Variants in TTC7A observed in about 807,000 individuals in gnomAD.
TTC7A encodes the protein tetratricopeptide repeat domain 7A.
TTC7A carries 110 observed loss-of-function variants against 103.7 expected under a neutral mutation model. The ratio of observed to expected loss-of-function variants is 1.06; its 90% confidence interval spans 0.91 to 1.24. TTC7A has a LOEUF of 1.24. Ranked by LOEUF, TTC7A falls within the 50% of genes most tolerant of loss-of-function variation. TTC7A has a pLI of 0.00. For missense variants in TTC7A, 1,340 were observed against 1,116.3 expected (o/e 1.20, Z -2.86); for synonymous variants, 521 against 467.9 (o/e 1.11, Z -1.47).
At chr2:46,991,800 G>GGT (rs1675662060) in intron 5 of TTC7A, among the ~76,000 whole-genome samples, 1 of 152,170 alleles carries the variant, frequency 6.6e-6, no homozygotes, top group Non-Finnish European at 1.5e-5. Context: ...AGGGGGCTGA[G>GGT]GTTCCCTGTC....
At chr2:46,935,439 C>T (rs188819768) in intron 2 of TTC7A, among the ~76,000 whole-genome samples, 1 of 152,262 alleles carries the variant, frequency 6.6e-6, no homozygotes, top group Admixed American at 6.5e-5. Context: ...ACAAAACAGA[C>T]CCCAACACTT....
At chr2:46,993,267 T>C (rs1378748488) in intron 5 of TTC7A, among the ~76,000 whole-genome samples, 183 bp from the exon 6 acceptor site, 1 of 152,196 alleles carries the variant, frequency 6.6e-6, no homozygotes, top group Non-Finnish European at 1.5e-5. Context: ...CTCCCTCCTT[T>C]TTGTTGATGT....
rs775226365 is a variant in TTC7A, at chr2:47,029,329, C to T, written c.1747C>T (p.Gln583Ter). 1 of 1,614,114 alleles carries T rather than the reference C, an allele frequency of 6.2e-7. No individual in the cohort carries two copies. The change falls in exon 15 of 20, where the codon CAG becomes TAG. Residue 583 changes from glutamine to a stop codon, truncating the protein, a stop_gained. Transcript: ENST00000319190. LOFTEE classifies it high-confidence loss of function. ...GCTCTTCTCTGCCCAGAAGCACCAC[C>T]AGCATGCCCTGGATGTTGTCAACAT... ...ALLFSAQKHH[Q>*]HALDVVNMAI... is the part of the protein sequence containing the mutation.
At chr2:47,051,614 C>A in intron 17 of TTC7A, 132 bp from the exon 18 acceptor site, 1 of 1,191,704 alleles carries the variant, frequency 8.4e-7, no homozygotes, top group Non-Finnish European at 1.1e-6. Flanking sequence ...TGCTTTCTGG[C>A]TGCCCAGCCG....
intron 14 of TTC7A, among the ~76,000 whole-genome samples, chr2:47,027,560 G>A (rs1319950891): frequency 6.6e-6 from 1 of 152,256 alleles, no homozygotes; most frequent in African/African-American, 2.4e-5. Flanking sequence ...TAAGGGAACT[G>A]AATTCAGAGA....
exon 1 of TTC7A, chr2:46,916,262 C>G (rs940389091): frequency 2.6e-6 from 2 of 774,284 alleles, no homozygotes; most frequent in Non-Finnish European, 3.1e-6. Flanking sequence ...GACCACAACA[C>G]GCTGGAGCCG....
chr2:46,917,938 A>C (rs1193646689), intron 2 of TTC7A, among the ~76,000 whole-genome samples: 1 of 152,180 alleles, frequency 6.6e-6, no homozygotes, highest in African/African-American at 2.4e-5. Flanking sequence ...TATAATTATC[A>C]AAGTGTCCAG....
intron 2 of TTC7A, among the ~76,000 whole-genome samples, chr2:46,924,923 C>T (rs1033917431): frequency 2.0e-5 from 3 of 152,220 alleles, no homozygotes; most frequent in Admixed American, 6.5e-5. Flanking sequence ...CAGCCTGCCA[C>T]AGCCTTCATT....
intron 11 of TTC7A, among the ~76,000 whole-genome samples, chr2:47,015,946 G>A (rs1678609200): frequency 6.6e-6 from 1 of 152,200 alleles, no homozygotes; most frequent in Non-Finnish European, 1.5e-5. Context: ...TCGTGGGAAG[G>A]AACTAAGGAG....
At position 47,060,562 on chromosome 2, in the gene TTC7A, C is replaced by T. The variant is rs187716557; in HGVS notation, c.2153-207C>T. Reference sequence around the variant, plus strand: ...CTTGGTGCCATTGACTGGCACTTAGCAAGGTGCCTGACACAGAGGAAGCAC... The same window carrying T: ...CTTGGTGCCATTGACTGGCACTTAGTAAGGTGCCTGACACAGAGGAAGCAC... On this transcript the variant is annotated intron_variant, in intron 18 of 19. Transcript: ENST00000319190. Among the ~76,000 whole-genome samples, 4 of 152,310 alleles carry T rather than the reference C, an allele frequency of 2.6e-5. No individual in the cohort carries two copies. In the East Asian group the frequency reaches 7.7e-4, roughly 29 times the overall value.
At chr2:47,002,764 C>T (rs1008968216) in intron 8 of TTC7A, among the ~76,000 whole-genome samples, 2 of 152,166 alleles carry the variant, frequency 1.3e-5, no homozygotes, top group Non-Finnish European at 2.9e-5. Context: ...CTCCCTGTTG[C>T]CATGGTTACA....
chr2:46,996,348 A>G (rs1457510546), intron 8 of TTC7A, among the ~76,000 whole-genome samples: 1 of 152,236 alleles, frequency 6.6e-6, no homozygotes, highest in Non-Finnish European at 1.5e-5. Flanking sequence ...GGTTTTTAAA[A>G]AAACGACGCA....
intron 1 of TTC7A, among the ~76,000 whole-genome samples, chr2:46,947,947 G>A (rs962078419): frequency 6.6e-6 from 1 of 152,164 alleles, no homozygotes; most frequent in African/African-American, 2.4e-5. Context: ...ATGGCCAGCC[G>A]CACTTGGAGC....
At chr2:46,971,318 C>G (rs1673335097) in intron 3 of TTC7A, among the ~76,000 whole-genome samples, 1 of 152,114 alleles carries the variant, frequency 6.6e-6, no homozygotes, top group Non-Finnish European at 1.5e-5. Context: ...TTTAGTGGGT[C>G]AGAATATGAA....
chr2:47,025,054 C>G (rs1023513167), intron 14 of TTC7A, among the ~76,000 whole-genome samples: 1 of 152,240 alleles, frequency 6.6e-6, no homozygotes, highest in African/African-American at 2.4e-5. Context: ...TGATGCCTGC[C>G]GATGCCCCCA....
chr2:46,925,794 A>G (rs148533367), intron 2 of TTC7A, among the ~76,000 whole-genome samples: 29 of 152,352 alleles, frequency 1.9e-4, no homozygotes, highest in Non-Finnish European at 3.2e-4. Flanking sequence ...TTAAAAGTCA[A>G]TGGAAGATAA....
rs200769253 is a variant in TTC7A, at chr2:46,982,251, G to A, written c.764+3344G>A. On this transcript the variant is annotated intron_variant, in intron 5 of 19. Transcript: ENST00000319190. Reference sequence around the variant, plus strand: ...TGGCCAGGCTTAGTGGCATGCACCTGTAGTCTCAGCTACTTGGGAGGCTGA... The same window carrying A: ...TGGCCAGGCTTAGTGGCATGCACCTATAGTCTCAGCTACTTGGGAGGCTGA... Among the ~76,000 whole-genome samples, 58 of 152,322 alleles carry A rather than the reference G, an allele frequency of 3.8e-4. 1 individual carries two copies. The East Asian group carries it at 4.8e-3, about 13-fold the overall frequency.
In TTC7A at chr2:47,051,778, C is replaced by T. The variant is rs368826418; in HGVS notation, c.2050C>T (p.Arg684Trp). The change falls in exon 18 of 20, where the codon CGG becomes TGG. Residue 684 changes from arginine to tryptophan, a missense_variant. Arg to Trp is a moderately radical substitution (Grantham distance 101, BLOSUM62 -3). Coordinates refer to ENST00000319190, the MANE Select transcript of TTC7A (RefSeq NM_020458.4). The part of the protein sequence containing the change: ...SRRASSIAAS[R>W]LEEAMSELTM... Reference sequence around the variant, plus strand: ...GCGGGCTTCGTCCATCGCCGCCTCCCGGCTGGAGGAGGCCATGTCAGAGCT... The same window carrying T: ...GCGGGCTTCGTCCATCGCCGCCTCCTGGCTGGAGGAGGCCATGTCAGAGCT... 126 of 1,611,124 alleles carry T rather than the reference C, an allele frequency of 7.8e-5. No homozygotes were observed. Among genetic ancestry groups the T allele is most frequent in the Non-Finnish European group, 9.7e-5 (115 of 1,179,630 alleles).
At chr2:47,030,063 G>C (rs1314877012) in intron 15 of TTC7A, among the ~76,000 whole-genome samples, 1 of 152,198 alleles carries the variant, frequency 6.6e-6, no homozygotes, top group Non-Finnish European at 1.5e-5. Flanking sequence ...CTGCCCCTAA[G>C]GGCAGGTGAC....
Sources: gnomAD v4.1 joint callset for allele counts (sites outside exome capture counted in the v4.1 genomes callset) on GRCh38, gnomAD v4.1.1 for gene constraint, MANE v1.5 for transcripts, NCBI Gene and HGNC (gene_info 2026-07-23, HGNC 2026-07-21) for gene names.